Variants in MAP3K9 observed in about 807,000 individuals in gnomAD.
MAP3K9 encodes the protein mitogen-activated protein kinase kinase kinase 9.
A neutral mutation model predicts 95.8 loss-of-function variants in MAP3K9; 46 were observed. The observed-to-expected ratio is 0.48, with a 90% confidence interval of 0.38 to 0.61. The LOEUF is 0.61. MAP3K9 is among the 20% of genes least tolerant of loss of function. The pLI is 0.00. For synonymous variants in MAP3K9, 533 were observed against 593.8 expected, an observed-to-expected ratio of 0.90 and a Z score of 1.49; for missense variants, 1,296 against 1,474.3, an observed-to-expected ratio of 0.88 and a Z score of 1.98.
At chr14:70,785,865 C>T (rs1357596229) in intron 2 of MAP3K9, among the ~76,000 whole-genome samples, 1 of 152,104 alleles carries the variant, frequency 6.6e-6, no homozygotes, top group African/African-American at 2.4e-5. Context: ...ACTTATGAAT[C>T]GTTATTTCTA....
At position 70,808,885 on chromosome 14, in the gene MAP3K9, G is replaced by C. The variant is rs747386773; in HGVS notation, c.287C>G (p.Thr96Ser). 18 of 1,598,942 alleles carry C rather than the reference G, an allele frequency of 1.1e-5. No homozygotes were observed. The highest frequency in any genetic ancestry group is 1.4e-5 in the Non-Finnish European group (17 of 1,175,828). Residue 96 changes from threonine to serine, a missense_variant, in exon 1 of 12, where the codon ACC becomes AGC. Coordinates refer to ENST00000554752, the MANE Select transcript of MAP3K9 (RefSeq NM_001284230.2). ...GCCCACCCGCTGGTTCAGCTGCCCG[G>C]TCCACCAGCCCTCGTCGCCGGACAC... ...SQVSGDEGWWTGQLNQRVGIF... is the reference protein window; with the variant it reads ...SQVSGDEGWWSGQLNQRVGIF...
chr14:70,785,038 G>T (rs1281144794), intron 2 of MAP3K9, among the ~76,000 whole-genome samples: 1 of 152,110 alleles, frequency 6.6e-6, no homozygotes, highest in East Asian at 1.9e-4. Flanking sequence ...ATCTCCTATT[G>T]CAGTCTGTTT....
chr14:70,757,990 C>A (rs966926716), intron 3 of MAP3K9, among the ~76,000 whole-genome samples: 1 of 152,062 alleles, frequency 6.6e-6, no homozygotes, highest in Non-Finnish European at 1.5e-5. Context: ...TGACTTTGGA[C>A]TAGGCAATGT....
At chr14:70,735,270 C>T (rs1423087964) in intron 9 of MAP3K9, among the ~76,000 whole-genome samples, 1 of 152,050 alleles carries the variant, frequency 6.6e-6, no homozygotes. Context: ...GGCCTAGAAG[C>T]ACTGGTCTTT....
rs2053927414 is a variant in MAP3K9, at chr14:70,732,839, T to G, written c.2530A>C (p.Asn844His). The G allele has an allele frequency of 4.3e-6, 7 of 1,613,778 alleles. No individual in the cohort carries two copies. The highest frequency in any genetic ancestry group is 5.9e-6 in the Non-Finnish European group (7 of 1,179,928). Reference sequence around the variant, plus strand: ...GAGCGCAGCAGGGAGCGTGTGGAGTTGCACTCGGAGATGGAGGAGAGGGAG... The same window carrying G: ...GAGCGCAGCAGGGAGCGTGTGGAGTGGCACTCGGAGATGGAGGAGAGGGAG... ...LLSLSSISEC[N>H]STRSLLRSDS... Residue 844 changes from asparagine (N) to histidine (H), a missense_variant, in exon 11 of 12, where the codon AAC (asparagine) becomes CAC (histidine). By Grantham distance (68) the Asn-to-His change is moderately conservative. Coordinates refer to ENST00000554752, the MANE Select transcript of MAP3K9 (RefSeq NM_001284230.2).
chr14:70,758,002 T>G (rs1594783588), intron 3 of MAP3K9, among the ~76,000 whole-genome samples: 2 of 152,304 alleles, frequency 1.3e-5, no homozygotes, highest in Non-Finnish European at 2.9e-5. Context: ...AGGCAATGTT[T>G]TTTAGATATG....
At chr14:70,744,327 TAA>T (rs2054116949) in intron 5 of MAP3K9, among the ~76,000 whole-genome samples, 1 of 151,884 alleles carries the variant, frequency 6.6e-6, no homozygotes, top group African/African-American at 2.4e-5. Context: ...CCCCAGAACT[TAA>T]GAGTATAATT....
At chr14:70,752,226 A>G (rs954747491) in intron 3 of MAP3K9, among the ~76,000 whole-genome samples, 1 of 152,184 alleles carries the variant, frequency 6.6e-6, no homozygotes, top group Non-Finnish European at 1.5e-5. Context: ...ACATCCCCAG[A>G]TGTTACTCAG....
Position 70,732,768 on chromosome 14 carries a change from G to A in MAP3K9, c.2601C>T (p.Val867=), listed in dbSNP as rs1229081700. The change falls in exon 11 of 12, where the codon GTC becomes GTT. Residue 867 remains valine (V), a synonymous_variant. Coordinates refer to ENST00000554752, the MANE Select transcript of MAP3K9 (RefSeq NM_001284230.2). ...IVVYEMPVSP[V]EAPPLSPCTH... ...TACATGGACTCAGGGGAGGGGCCTC[G>A]ACTGGGCTGACTGGCATCTCATACA... is the stretch of plus-strand genomic sequence containing the variant. The A allele has an allele frequency of 2.5e-6, 4 of 1,613,088 alleles. No homozygotes were observed. The highest frequency in any genetic ancestry group is 4.5e-5 in the East Asian group (2 of 44,848).
At chr14:70,761,280 T>C in intron 2 of MAP3K9, 98 bp from the exon 3 acceptor site, 1 of 997,288 alleles carries the variant, frequency 1.0e-6, no homozygotes, top group Non-Finnish European at 1.5e-6. Context: ...GCCTCTCCTG[T>C]GGGCTCCAGC....
At chr14:70,735,131 G>T (rs969774989) in intron 9 of MAP3K9, among the ~76,000 whole-genome samples, 7 of 152,206 alleles carry the variant, frequency 4.6e-5, no homozygotes, top group African/African-American at 1.7e-4. Flanking sequence ...GGTCTGTCTG[G>T]GGGTGGAGAG....
At chr14:70,788,795 C>T (rs962906778) in intron 2 of MAP3K9, among the ~76,000 whole-genome samples, 2 of 152,196 alleles carry the variant, frequency 1.3e-5, no homozygotes, top group African/African-American at 4.8e-5. Context: ...GGAAACAAAG[C>T]TCTTATACAG....
intron 2 of MAP3K9, chr14:70,783,558 G>C (rs1256167803): frequency 4.7e-6 from 1 of 212,544 alleles, no homozygotes; most frequent in Non-Finnish European, 8.1e-6. Flanking sequence ...GAAGGAAATA[G>C]CCGGGAGGCT....
intron 2 of MAP3K9, among the ~76,000 whole-genome samples, chr14:70,794,797 C>A (rs530746666): frequency 9.6e-4 from 146 of 151,724 alleles, no homozygotes; most frequent in Admixed American, 1.6e-3. Flanking sequence ...CCTGCTTCAG[C>A]CTCCCAAGTA....
intron 2 of MAP3K9, among the ~76,000 whole-genome samples, chr14:70,781,999 G>T (rs1284565465): frequency 2.0e-5 from 3 of 152,272 alleles, no homozygotes; most frequent in Admixed American, 2.0e-4. Context: ...GGGGCAGGCC[G>T]CCTTCCCTGG....
chr14:70,764,595 T>C (rs1389835274), intron 2 of MAP3K9, among the ~76,000 whole-genome samples: 2 of 148,456 alleles, frequency 1.3e-5, no homozygotes, highest in Non-Finnish European at 3.0e-5. Context: ...CTTTGGGAGG[T>C]CAAGGTGGGA....
At chr14:70,756,794 T>C (rs1438755329) in intron 3 of MAP3K9, among the ~76,000 whole-genome samples, 4 of 152,180 alleles carry the variant, frequency 2.6e-5, no homozygotes, top group African/African-American at 9.7e-5. Context: ...GCTATTTAGC[T>C]AGTTTTTGAA....
At chr14:70,736,157 A>G in intron 8 of MAP3K9, 128 bp from the exon 9 acceptor site, 2 of 715,784 alleles carry the variant, frequency 2.8e-6, no homozygotes, top group South Asian at 3.0e-5. Context: ...TCCAGACACA[A>G]AGCCCACACC....
chr14:70,802,613 T>TA, intron 1 of MAP3K9, among the ~76,000 whole-genome samples: 1 of 152,220 alleles, frequency 6.6e-6, no homozygotes, highest in East Asian at 1.9e-4. Context: ...AGGTCTTAAA[T>TA]ATCAGTTTCA....
Sources: allele counts gnomAD v4.1 joint callset (sites outside exome capture counted in the v4.1 genomes callset), GRCh38; gene constraint gnomAD v4.1.1; transcripts MANE v1.5; gene names NCBI Gene and HGNC (gene_info 2026-07-23, HGNC 2026-07-21).